Variants in NUP93 observed in about 807,000 individuals in gnomAD.
The protein encoded by NUP93 is nuclear pore complex protein Nup93.
NUP93 carries 55 observed loss-of-function variants against 107.8 expected under a neutral mutation model. That is an observed-to-expected ratio of 0.51 (90% CI 0.41 to 0.64). NUP93 has a LOEUF of 0.64. NUP93 is among the 30% of genes least tolerant of loss of function. The pLI, the probability that NUP93 is intolerant of heterozygous loss-of-function variation, is 0.00. For missense variants in NUP93, 937 were observed against 1,044.7 expected (o/e 0.90, Z 1.42); for synonymous variants, 390 against 397.5 (o/e 0.98, Z 0.22).
chr16:56,781,404 A>C (rs1171507721), intron 3 of NUP93, among the ~76,000 whole-genome samples: 5 of 152,352 alleles, frequency 3.3e-5, no homozygotes, highest in Admixed American at 3.3e-4. Context: ...TGACAAGGGC[A>C]CAATGATCCG....
chr16:56,775,192 C>T (rs947533316), intron 3 of NUP93, among the ~76,000 whole-genome samples: 3 of 152,158 alleles, frequency 2.0e-5, no homozygotes, highest in African/African-American at 2.4e-5. Context: ...TGAGCCACCG[C>T]GCCCAGCCCG....
intron 3 of NUP93, among the ~76,000 whole-genome samples, chr16:56,769,076 C>G (rs569819312): frequency 6.6e-6 from 1 of 152,214 alleles, no homozygotes; most frequent in African/African-American, 2.4e-5. Flanking sequence ...GCTAGATATG[C>G]CAGACCAGAG....
intron 3 of NUP93, among the ~76,000 whole-genome samples, chr16:56,759,534 T>G (rs1365942948): frequency 6.6e-6 from 1 of 152,218 alleles, no homozygotes; most frequent in Non-Finnish European, 1.5e-5. Flanking sequence ...AGTTGAGAGT[T>G]GAAGAACTAT....
At chr16:56,843,022 A>G (rs1964057338) in intron 21 of NUP93, among the ~76,000 whole-genome samples, 1 of 152,214 alleles carries the variant, frequency 6.6e-6, no homozygotes, top group African/African-American at 2.4e-5. Flanking sequence ...GTGACCCCAC[A>G]GGCATGGTTG....
At chr16:56,825,361 T>C (rs1963637815) in intron 8 of NUP93, among the ~76,000 whole-genome samples, 1 of 151,872 alleles carries the variant, frequency 6.6e-6, no homozygotes, top group Admixed American at 6.6e-5. Flanking sequence ...CCTATCACCA[T>C]GCCTGGCTAA....
chr16:56,844,466 C>T lies in NUP93; in HGVS notation c.2350-33C>T, dbSNP rs74498124. ...ATAGTGCCCTGACTCGAAAGTTAAC[C>T]GATTTCCTTCCCTTCCTTCCCTTCT... is the stretch of plus-strand genomic sequence containing the variant. On this transcript the variant is annotated intron_variant, in intron 21 of 21. Coordinates refer to ENST00000308159, the MANE Select transcript of NUP93 (RefSeq NM_014669.5). 0.024 allele frequency: 31,908 copies of T among 1,306,948 alleles called. 736 individuals carry two copies. The highest frequency in any genetic ancestry group is 0.083 in the African/African-American group (5,471 of 65,932). 81.0% of individuals were successfully genotyped at this position (1,306,948 alleles called of 1,614,324 possible).
intron 3 of NUP93, among the ~76,000 whole-genome samples, chr16:56,760,260 G>A (rs1160462278): frequency 6.6e-5 from 10 of 152,166 alleles, no homozygotes; most frequent in South Asian, 4.1e-4. Context: ...AGGCACAGTC[G>A]CTCATGCCTC....
chr16:56,782,948 A>C (rs1211937231), intron 3 of NUP93, among the ~76,000 whole-genome samples: 1 of 152,196 alleles, frequency 6.6e-6, no homozygotes, highest in African/African-American at 2.4e-5. Flanking sequence ...GTATATTTCA[A>C]ATTTTTGGCT....
chr16:56,784,450 CTTAA>C (rs1465904071), intron 3 of NUP93, among the ~76,000 whole-genome samples: 13 of 152,182 alleles, frequency 8.5e-5, no homozygotes, highest in African/African-American at 1.2e-4. Context: ...GTGCCTTCTA[CTTAA>C]TTAATAGTTG....
At chr16:56,822,439 G>C (rs1238209150) in intron 7 of NUP93, among the ~76,000 whole-genome samples, 2 of 151,668 alleles carry the variant, frequency 1.3e-5, no homozygotes, top group African/African-American at 4.8e-5. Context: ...CTGAGTCCGG[G>C]GGGGCCCAGG....
chr16:56,743,346 G>A (rs1186430572), intron 1 of NUP93, among the ~76,000 whole-genome samples: 1 of 152,148 alleles, frequency 6.6e-6, no homozygotes, highest in East Asian at 1.9e-4. Flanking sequence ...ACAGGTGAAC[G>A]CAGACCAGCA....
At chr16:56,777,365 G>T (rs1223812971) in intron 3 of NUP93, among the ~76,000 whole-genome samples, 1 of 152,114 alleles carries the variant, frequency 6.6e-6, no homozygotes, top group African/African-American at 2.4e-5. Flanking sequence ...CACCACTCTG[G>T]GGCAGCAGGA....
intron 18 of NUP93, 75 bp downstream of exon 18, chr16:56,837,801 G>A: frequency 5.7e-6 from 6 of 1,051,612 alleles, no homozygotes; most frequent in African/African-American, 1.6e-5. Context: ...CCACCCAAAT[G>A]CATGTTCAGC....
At position 56,758,573 on chromosome 16, in the gene NUP93, C is replaced by A; in HGVS notation, c.215C>A (p.Ser72Tyr). ...CTCGGGTCTCGGGGACTTGACATAT[C>A]CCACATCTCCCAGCGATTGGAGAGT... ...VLLGSRGLDI[S>Y]HISQRLESLS... The change falls in exon 3 of 22, where the codon TCC becomes TAC. Residue 72 changes from serine to tyrosine, a missense_variant. Coordinates refer to ENST00000308159, the MANE Select transcript of NUP93 (RefSeq NM_014669.5). The A allele has an allele frequency of 6.2e-7, 1 of 1,613,818 alleles. No individual in the cohort carries two copies. The highest frequency in any genetic ancestry group is 8.5e-7 in the Non-Finnish European group (1 of 1,179,828).
rs61010059 is a variant in NUP93 at position 56,774,891 on chromosome 16, G to T, written c.297+16236G>T. 5.3e-3 allele frequency among the ~76,000 whole-genome samples: 783 copies of T among 147,738 alleles called. 7 individuals are homozygous for T. The highest frequency in any genetic ancestry group is 0.018 in the African/African-American group (733 of 40,368). Reference sequence around the variant, plus strand: ...CAGTCACCAGATTAAGGTTTTTTTTGTTTTTGTTTTTGTTTTTTTTTTTTT... The same window carrying T: ...CAGTCACCAGATTAAGGTTTTTTTTTTTTTTGTTTTTGTTTTTTTTTTTTT... On this transcript the variant is annotated intron_variant, in intron 3 of 21. Coordinates refer to ENST00000308159, the MANE Select transcript of NUP93 (RefSeq NM_014669.5).
chr16:56,827,069 A>T lies in NUP93; in HGVS notation c.795-1908A>T, dbSNP rs12325340. Among the ~76,000 whole-genome samples the T allele has an allele frequency of 7.1e-3, 888 of 125,664 alleles. 19 individuals are homozygous for T. The highest frequency in any genetic ancestry group is 0.018 in the African/African-American group (662 of 36,144). The allele number at this position is 125,664 out of a possible 152,430, so 82.4% of individuals were successfully genotyped here. ...CAAAAAAAAAAAAAAAAAAAAAAAA[A>T]TTTTGTTGAGTCTGTTTCCTGTTAT... On this transcript the variant is annotated intron_variant, in intron 8 of 21. Coordinates refer to ENST00000308159, the MANE Select transcript of NUP93 (RefSeq NM_014669.5).
intron 5 of NUP93, among the ~76,000 whole-genome samples, chr16:56,816,491 TC>T (rs1439217462): frequency 1.3e-5 from 2 of 152,182 alleles, no homozygotes; most frequent in Non-Finnish European, 2.9e-5. Context: ...CTCTAGCACA[TC>T]CATCTACTTT....
At chr16:56,825,844 A>T (rs1963647350) in intron 8 of NUP93, among the ~76,000 whole-genome samples, 1 of 152,106 alleles carries the variant, frequency 6.6e-6, no homozygotes, top group Admixed American at 6.5e-5. Flanking sequence ...GTCACCTTTG[A>T]TAAAGGGGGT....
intron 18 of NUP93, 34 bp from the exon 19 acceptor site, chr16:56,838,918 C>G (rs773820362): frequency 1.4e-6 from 2 of 1,453,442 alleles, no homozygotes; most frequent in Admixed American, 3.4e-5. Context: ...TCCTGATACA[C>G]TCTTACTACC....
Sources: allele counts gnomAD v4.1 joint callset (sites outside exome capture counted in the v4.1 genomes callset), GRCh38; gene constraint gnomAD v4.1.1; transcripts MANE v1.5; gene names NCBI Gene and HGNC (gene_info 2026-07-23, HGNC 2026-07-21).